Variants in PRH1 observed in about 807,000 individuals in gnomAD.
PRH1 encodes proline rich protein HaeIII subfamily 1.
In PRH1, 7 loss-of-function variants were observed where a neutral mutation model predicts 7.9. The ratio of observed to expected loss-of-function variants is 0.89; its 90% CI spans 0.50 to 1.67. PRH1 has a LOEUF of 1.67. PRH1 is among the 40% of genes most tolerant of loss of function. The pLI, the probability that PRH1 is intolerant of heterozygous loss-of-function variation, is 0.00. For synonymous variants in PRH1, 45 were observed against 80.8 expected (o/e 0.56, Z 2.38); for missense variants, 109 against 223.6 (o/e 0.49, Z 3.27).
chr12:10,912,377 T>C (rs1949912815), intron 2 of PRH1, among the ~76,000 whole-genome samples: 1 of 152,152 alleles, frequency 6.6e-6, no homozygotes, highest in Non-Finnish European at 1.5e-5. Context: ...TTCAATTATT[T>C]ATGTTTTCAT....
intron 1 of PRH1, among the ~76,000 whole-genome samples, chr12:11,089,645 G>T (rs1348456024): frequency 7.7e-6 from 1 of 130,470 alleles, no homozygotes. Flanking sequence ...AAACATTTTG[G>T]TAAAGTAGCT....
At chr12:10,965,683 TTC>T (rs1170723416) in intron 2 of PRH1, among the ~76,000 whole-genome samples, 1 of 152,250 alleles carries the variant, frequency 6.6e-6, no homozygotes, top group Non-Finnish European at 1.5e-5. Flanking sequence ...TAAAGACATA[TTC>T]TCTTTCAGTG....
chr12:11,062,724 A>G (rs1238361291), intron 1 of PRH1, among the ~76,000 whole-genome samples: 5 of 152,104 alleles, frequency 3.3e-5, no homozygotes. Context: ...TTATAACCCA[A>G]TACAGAGATC....
intron 1 of PRH1, among the ~76,000 whole-genome samples, chr12:11,109,443 C>T (rs557534848): frequency 2.1e-4 from 32 of 152,262 alleles, no homozygotes; most frequent in African/African-American, 7.7e-4. Context: ...TGGCGGGTAA[C>T]CCTCTGGGAT....
intron 1 of PRH1, among the ~76,000 whole-genome samples, chr12:11,032,066 T>G (rs538091939): frequency 6.6e-6 from 1 of 152,360 alleles, no homozygotes; most frequent in South Asian, 2.1e-4. Context: ...CAACTCAAAT[T>G]AACTCATTCA....
At chr12:10,988,382 T>C (rs553553608) in intron 1 of PRH1, among the ~76,000 whole-genome samples, 1 of 152,178 alleles carries the variant, frequency 6.6e-6, no homozygotes, top group South Asian at 2.1e-4. Flanking sequence ...GTGAGGTAGA[T>C]AATTAAAGGT....
chr12:11,010,856 T>G (rs1382901557), intron 1 of PRH1, among the ~76,000 whole-genome samples: 1 of 151,932 alleles, frequency 6.6e-6, no homozygotes, highest in African/African-American at 2.4e-5. Flanking sequence ...GAATTATATA[T>G]TCCATATATT....
At chr12:10,886,417 C>G (rs567437894), upstream of PRH1, among the ~76,000 whole-genome samples, 2 of 152,338 alleles carry the variant, frequency 1.3e-5, no homozygotes, top group South Asian at 4.1e-4. Flanking sequence ...GGTCACTCAG[C>G]TCAGGCCTGC....
chr12:10,898,033 A>G (rs1037240689), intron 2 of PRH1, among the ~76,000 whole-genome samples: 6 of 152,168 alleles, frequency 3.9e-5, no homozygotes, highest in East Asian at 1.9e-4. Flanking sequence ...TCTAATTTCC[A>G]TGTCTGTTTT....
chr12:10,974,219 T>G, intron 1 of PRH1, among the ~76,000 whole-genome samples: 1 of 152,246 alleles, frequency 6.6e-6, no homozygotes, highest in East Asian at 1.9e-4. Context: ...GAATTTAGGC[T>G]ACTGCCAATG....
intron 1 of PRH1, chr12:11,132,987 G>A (rs185519354): frequency 1.3e-4 from 40 of 304,902 alleles, no homozygotes; most frequent in Middle Eastern, 1.9e-3. Flanking sequence ...TTCTACAAAT[G>A]AAATATAAAA....
intron 1 of PRH1, among the ~76,000 whole-genome samples, chr12:11,008,298 TCTC>T (rs1365766410): frequency 1.3e-5 from 2 of 151,988 alleles, no homozygotes; most frequent in African/African-American, 4.8e-5. Flanking sequence ...ATGAGACATT[TCTC>T]CTAATTCAAA....
chr12:10,989,456 T>C (rs1939817369), intron 1 of PRH1, among the ~76,000 whole-genome samples: 2 of 152,304 alleles, frequency 1.3e-5, no homozygotes, highest in African/African-American at 4.8e-5. Flanking sequence ...GATATATACA[T>C]AGAAAGATAA....
At chr12:11,032,988 C>T (rs1189641998) in intron 1 of PRH1, among the ~76,000 whole-genome samples, 2 of 152,072 alleles carry the variant, frequency 1.3e-5, no homozygotes, top group Non-Finnish European at 2.9e-5. Flanking sequence ...AAACTAATGA[C>T]GTGAGATTGC....
intron 1 of PRH1, among the ~76,000 whole-genome samples, chr12:11,058,208 C>G (rs1943444135): frequency 6.6e-6 from 1 of 152,094 alleles, no homozygotes; most frequent in African/African-American, 2.4e-5. Flanking sequence ...TGCACTCCAG[C>G]CTCATGGACA....
Position 11,088,533 on chromosome 12 carries a change from C to G in PRH1, n.124-41345G>C, listed in dbSNP as rs1398563277. On this transcript the variant is annotated intron_variant and non_coding_transcript_variant, in intron 1 of 4. Coordinates refer to the PRH1 transcript ENST00000541977. ...AAGCATTCAGTGTCCCTAGACCACA[C>G]GTTGAAACAATCTTTTTTACAGTAT... Among the ~76,000 whole-genome samples the G allele has an allele frequency of 4.1e-5, 3 of 72,944 alleles. No individual in the cohort carries two copies. In the South Asian group the frequency reaches 1.2e-3, roughly 29 times the overall value. 47.9% of individuals were successfully genotyped at this position (72,944 alleles called of 152,430 possible).
intron 1 of PRH1, among the ~76,000 whole-genome samples, chr12:11,108,200 A>G (rs1945484953): frequency 6.6e-6 from 1 of 152,252 alleles, no homozygotes; most frequent in Non-Finnish European, 1.5e-5. Flanking sequence ...TCAGTCAGAA[A>G]GAAAAGGACA....
intron 1 of PRH1, among the ~76,000 whole-genome samples, chr12:11,149,759 G>A (rs1230332391): frequency 4.3e-5 from 6 of 138,728 alleles, no homozygotes; most frequent in African/African-American, 1.3e-4. Context: ...ATAGGCATGG[G>A]CAAGGACTTC....
rs200967675 is a variant in PRH1, at chr12:10,930,220, G to C, written c.-59+43435C>G. On this transcript the variant is annotated intron_variant, in intron 2 of 3. Transcript: ENST00000539853. ...ATCCTCGTAGAACACTATGAGCTCTGAATGATTCATGCAGTAACTTTTCCC... is the reference window on the plus strand; with the variant it reads ...ATCCTCGTAGAACACTATGAGCTCTCAATGATTCATGCAGTAACTTTTCCC... 95 of 1,591,398 alleles carry C rather than the reference G, an allele frequency of 6.0e-5. No homozygotes were observed. In the African/African-American group the frequency reaches 9.4e-4, roughly 16 times the overall value.
Sources: allele counts gnomAD v4.1 joint callset (sites outside exome capture counted in the v4.1 genomes callset), GRCh38; gene constraint gnomAD v4.1.1; transcripts MANE v1.5; gene names NCBI Gene and HGNC (gene_info 2026-07-23, HGNC 2026-07-21).